TULP4: variants seen among roughly 807,000 people sequenced by gnomAD.
TULP4 encodes the protein tubby-related protein 4.
Under a neutral mutation model 129.0 loss-of-function variants are expected in TULP4, and 16 were observed. That is an observed-to-expected ratio of 0.12 (90% confidence interval 0.08 to 0.19). The LOEUF (loss-of-function observed/expected upper bound fraction) is 0.19. Ranked by LOEUF, TULP4 falls within the 10% of genes least tolerant of loss-of-function variation. The pLI is 1.00. For synonymous variants in TULP4, 998 were observed against 854.0 expected, an observed-to-expected ratio of 1.17 and a Z score of -2.94; for missense variants, 1,842 against 2,059.1, an observed-to-expected ratio of 0.89 and a Z score of 2.04.
At chr6:158,429,675 T>C (rs1778585096) in intron 2 of TULP4, 61 bp from the exon 3 acceptor site, 2 of 1,558,962 alleles carry the variant, frequency 1.3e-6, no homozygotes, top group Non-Finnish European at 1.7e-6. Context: ...ATGTCTAGAC[T>C]TTGATAAAAT....
intron 1 of TULP4, among the ~76,000 whole-genome samples, chr6:158,339,116 G>A (rs537871958): frequency 2.6e-5 from 4 of 152,164 alleles, no homozygotes; most frequent in South Asian, 2.1e-4. Context: ...CCTAAGTGTC[G>A]GCCAGTCTGA....
chr6:158,495,884 G>A (rs996678446), intron 11 of TULP4, among the ~76,000 whole-genome samples: 1 of 151,766 alleles, frequency 6.6e-6, no homozygotes, highest in African/African-American at 2.4e-5. Context: ...TACAATTCTT[G>A]GTGGTAAATT....
intron 2 of TULP4, among the ~76,000 whole-genome samples, chr6:158,418,645 T>C (rs560025786): frequency 1.3e-5 from 2 of 152,304 alleles, no homozygotes; most frequent in African/African-American, 4.8e-5. Flanking sequence ...TTCACAACCC[T>C]GTAGTCCCAG....
chr6:158,267,167 T>C (rs1778460845), intron 1 of TULP4, among the ~76,000 whole-genome samples: 2 of 152,368 alleles, frequency 1.3e-5, no homozygotes, highest in Non-Finnish European at 2.9e-5. Flanking sequence ...CTGAATGATA[T>C]TTCATTGTAT....
At chr6:158,347,528 C>CT (rs1304864566) in intron 1 of TULP4, among the ~76,000 whole-genome samples, 2 of 152,250 alleles carry the variant, frequency 1.3e-5, no homozygotes, top group African/African-American at 4.8e-5. Context: ...AATCTACCCT[C>CT]TGACTTGCTT....
At chr6:158,492,085 C>T (rs1435125003) in intron 9 of TULP4, among the ~76,000 whole-genome samples, 1 of 152,162 alleles carries the variant, frequency 6.6e-6, no homozygotes, top group East Asian at 1.9e-4. Flanking sequence ...GTCTCAAACT[C>T]CTGACCTTGT....
At chr6:158,445,737 G>A (rs575309034) in intron 3 of TULP4, among the ~76,000 whole-genome samples, 3 of 152,228 alleles carry the variant, frequency 2.0e-5, no homozygotes, top group Non-Finnish European at 2.9e-5. Flanking sequence ...GTCTGGTTGT[G>A]TGTGTGTTGC....
At chr6:158,405,979 C>T (rs1282181947) in intron 1 of TULP4, among the ~76,000 whole-genome samples, 1 of 152,180 alleles carries the variant, frequency 6.6e-6, no homozygotes, top group African/African-American at 2.4e-5. Flanking sequence ...AGCAAGAACA[C>T]ATGCTTAAAA....
chr6:158,503,802 A>C lies in TULP4; in HGVS notation c.4139A>C (p.Glu1380Ala). 6.2e-7 allele frequency: 1 copy of C among 1,614,094 alleles called. No homozygotes were observed. Among genetic ancestry groups the C allele is most frequent in the South Asian group, 1.1e-5 (1 of 91,076 alleles). The change falls in exon 13 of 14, where the codon GAG (glutamate) becomes GCG (alanine). Residue 1380 changes from glutamate (E) to alanine (A), a missense_variant. Physicochemically the swap from Glu to Ala is moderately radical, Grantham distance 107 (BLOSUM62 -1). Transcript: ENST00000367097. This position sits in a 1 kb window ranked among gnomAD's most constrained non-coding sequence, Gnocchi z 4.3. Reference sequence around the variant, plus strand: ...ATCTCCAGCCCACACCTGGGGAGAGAGAAGAAGAAAGTGAAGAGTCAGAAA... The same window carrying C: ...ATCTCCAGCCCACACCTGGGGAGAGCGAAGAAGAAAGTGAAGAGTCAGAAA... ...SLISSPHLGR[E>A]KKKVKSQKDQ...
intron 1 of TULP4, among the ~76,000 whole-genome samples, chr6:158,409,335 A>G (rs341167): frequency 0.24 from 37,022 of 152,106 alleles, 5,715 homozygotes; most frequent in Non-Finnish European, 0.35. Flanking sequence ...ATCTTTTTGA[A>G]CCATCAAAGG....
upstream of TULP4, among the ~76,000 whole-genome samples, chr6:158,309,915 AGGGGGAGG>A (rs1779311120): frequency 2.7e-5 from 1 of 37,110 alleles, no homozygotes; most frequent in Non-Finnish European, 4.9e-5. Context: ...GGAGAGGGAG[AGGGGGAGG>A]GGGAGGGGGA....
intron 1 of TULP4, among the ~76,000 whole-genome samples, chr6:158,251,703 C>T (rs530109262): frequency 5.3e-5 from 8 of 152,264 alleles, no homozygotes; most frequent in African/African-American, 1.7e-4. Flanking sequence ...AATGACTGCT[C>T]GCATGCATTG....
In TULP4 at chr6:158,237,678, C is replaced by T. The variant is rs1489497531; in HGVS notation, n.68+5375C>T. 2.6e-6 allele frequency: 3 copies of T among 1,141,346 alleles called. No individual in the cohort carries two copies. In the Admixed American group the frequency reaches 5.5e-5, roughly 21 times the overall value. 70.7% of individuals were successfully genotyped at this position (1,141,346 alleles called of 1,614,324 possible). On this transcript the variant is annotated intron_variant and non_coding_transcript_variant, in intron 1 of 1. Transcript: ENST00000620026. ...CATAATTCTTAGGCAATTTTCCCTT[C>T]TTTTTCTTTTTCAAATCTCCCTTTC...
chr6:158,429,980 G>A, intron 3 of TULP4, 83 bp downstream of exon 3: 1 of 1,302,216 alleles, frequency 7.7e-7, no homozygotes, highest in South Asian at 1.9e-5. Context: ...GAGGGGAGCT[G>A]GTGCAAAAGC....
chr6:158,274,324 T>C (rs558605092), intron 1 of TULP4, among the ~76,000 whole-genome samples: 2 of 151,992 alleles, frequency 1.3e-5, no homozygotes, highest in East Asian at 3.9e-4. Context: ...TCCCAGCTGC[T>C]CTCTTGTCCC....
In TULP4 at chr6:158,493,185, C is replaced by T. The variant is rs915218926; in HGVS notation, c.1632-388C>T. On this transcript the variant is annotated intron_variant, in intron 9 of 13. Transcript: ENST00000367097. The surrounding 1 kb of genome is among the most constrained non-coding windows in gnomAD (Gnocchi z 4.4). Reference sequence around the variant, plus strand: ...TCGCTGGATCTCATTTCAGTGTATACTAAGTATATTTTGAGATGGGGTCTT... The same window carrying T: ...TCGCTGGATCTCATTTCAGTGTATATTAAGTATATTTTGAGATGGGGTCTT... 2.0e-5 allele frequency among the ~76,000 whole-genome samples: 3 copies of T among 152,072 alleles called. No homozygotes were observed. Among genetic ancestry groups the T allele is most frequent in the Non-Finnish European group, 4.4e-5 (3 of 68,020 alleles).
At chr6:158,316,829 A>T (rs191501214) in intron 1 of TULP4, among the ~76,000 whole-genome samples, 1 of 152,316 alleles carries the variant, frequency 6.6e-6, no homozygotes, top group East Asian at 1.9e-4. Context: ...TGTTGGCAGA[A>T]ATCAGTTCCT....
At chr6:158,343,305 G>A (rs1359477710) in intron 1 of TULP4, among the ~76,000 whole-genome samples, 1 of 152,100 alleles carries the variant, frequency 6.6e-6, no homozygotes, top group Non-Finnish European at 1.5e-5. Flanking sequence ...CTTCAAACTT[G>A]GTTAGTTAAC....
At chr6:158,309,234 G>A (rs1224967197), upstream of TULP4, among the ~76,000 whole-genome samples, 256 of 116,754 alleles carry the variant, frequency 2.2e-3, 11 homozygotes, top group Middle Eastern at 8.8e-3. Flanking sequence ...GGGCAGAGAC[G>A]CTCCTCACCT....
Sources: gnomAD v4.1 joint callset for allele counts (sites outside exome capture counted in the v4.1 genomes callset) on GRCh38, gnomAD v4.1.1 for gene constraint, Gnocchi (gnomAD v3.1) non-coding constraint, MANE v1.5 for transcripts, NCBI Gene and HGNC (gene_info 2026-07-23, HGNC 2026-07-21) for gene names.